PPP2R3C: variants seen among roughly 807,000 people sequenced by gnomAD.
PPP2R3C encodes the protein protein phosphatase 2 regulatory subunit B''gamma.
Under a neutral mutation model 63.7 loss-of-function variants are expected in PPP2R3C, and 47 were observed. The ratio of observed to expected loss-of-function variants is 0.74; its 90% CI spans 0.58 to 0.94. PPP2R3C has a LOEUF of 0.94. PPP2R3C is among the 40% of genes least tolerant of loss of function. The pLI, the probability that PPP2R3C is intolerant of heterozygous loss-of-function variation, is 0.00. For missense variants in PPP2R3C, 421 were observed against 518.4 expected (o/e 0.81, Z 1.82); for synonymous variants, 180 against 177.4 (o/e 1.01, Z -0.12).
At chr14:35,117,220 A>C (rs1374879498) in intron 1 of PPP2R3C, 1 of 454,340 alleles carries the variant, frequency 2.2e-6, no homozygotes, top group Non-Finnish European at 4.4e-6. Flanking sequence ...CTCTGTCTGA[A>C]GCTCAAAACT....
chr14:35,093,755 C>T (rs1315102529), intron 10 of PPP2R3C, among the ~76,000 whole-genome samples: 2 of 151,838 alleles, frequency 1.3e-5, no homozygotes, highest in Non-Finnish European at 2.9e-5. Context: ...CACACCATTA[C>T]ACCATTCTGC....
chr14:35,119,054 T>G (rs2138724709), intron 1 of PPP2R3C, among the ~76,000 whole-genome samples: 1 of 150,590 alleles, frequency 6.6e-6, no homozygotes, highest in East Asian at 2.0e-4. Flanking sequence ...TTTTTTTTTT[T>G]TGAGATGTAG....
At chr14:35,095,370 G>T (rs1470433022) in intron 9 of PPP2R3C, among the ~76,000 whole-genome samples, 186 bp from the exon 10 acceptor site, 2 of 152,008 alleles carry the variant, frequency 1.3e-5, no homozygotes, top group Non-Finnish European at 2.9e-5. Flanking sequence ...AAACCCTTGG[G>T]CTAGAAACAG....
chr14:35,092,310 T>C (rs2045847104), intron 10 of PPP2R3C, among the ~76,000 whole-genome samples: 1 of 149,958 alleles, frequency 6.7e-6, no homozygotes, highest in Non-Finnish European at 1.5e-5. Context: ...GCTCAAGCAA[T>C]CATCTGGCCT....
intron 6 of PPP2R3C, chr14:35,106,348 CTCTT>C (rs143563183): frequency 0.1 from 15,839 of 152,614 alleles, 1,015 homozygotes; most frequent in African/African-American, 0.18. Context: ...AATTCTCTCT[CTCTT>C]TTTTTTTGAG....
At chr14:35,115,646 G>T (rs979046533) in intron 2 of PPP2R3C, among the ~76,000 whole-genome samples, 8 of 152,080 alleles carry the variant, frequency 5.3e-5, no homozygotes, top group African/African-American at 1.7e-4. Context: ...GTTTGAGACA[G>T]AGCCTTGCTC....
At chr14:35,085,908 T>C in intron 12 of PPP2R3C, 130 bp from the exon 13 acceptor site, 1 of 696,042 alleles carries the variant, frequency 1.4e-6, no homozygotes, top group East Asian at 3.0e-5. Flanking sequence ...CCACTTGGGC[T>C]TATGTTAATT....
intron 1 of PPP2R3C, chr14:35,117,137 A>C (rs749398979): frequency 2.2e-6 from 1 of 455,818 alleles, no homozygotes; most frequent in Non-Finnish European, 4.4e-6. Context: ...CCAGCCCCTG[A>C]CCTCATGGAG....
chr14:35,088,204 G>GT, intron 11 of PPP2R3C, 194 bp from the exon 12 acceptor site: 1 of 591,990 alleles, frequency 1.7e-6, no homozygotes, highest in South Asian at 2.1e-5. Flanking sequence ...CTCGATTAGT[G>GT]TATTGACCTT....
chr14:35,112,309 C>T (rs1167832299), intron 2 of PPP2R3C, among the ~76,000 whole-genome samples: 1 of 152,162 alleles, frequency 6.6e-6, no homozygotes, highest in Non-Finnish European at 1.5e-5. Flanking sequence ...TGCTATGTTG[C>T]CCAGGTTGGT....
Position 35,101,863 on chromosome 14 carries a change from C to T in PPP2R3C, c.574-2479G>A, listed in dbSNP as rs995345670. The T allele has an allele frequency of 3.3e-5, 5 of 151,942 alleles. No homozygotes were observed. In the East Asian group the frequency reaches 9.6e-4, roughly 29 times the overall value. 9.4% of individuals were successfully genotyped at this position (151,942 alleles called of 1,614,324 possible). On this transcript the variant is annotated intron_variant, in intron 6 of 12. Coordinates refer to ENST00000261475, the MANE Select transcript of PPP2R3C (RefSeq NM_017917.4). Reference sequence around the variant, plus strand: ...ATTTCTGACTGTTTCAGGTATTTCCCCCAGTTTGTTGTTTTCTTTTTACTT... The same window carrying T: ...ATTTCTGACTGTTTCAGGTATTTCCTCCAGTTTGTTGTTTTCTTTTTACTT...
At position 35,099,441 on chromosome 14, in the gene PPP2R3C, G is replaced by T. The variant is rs2046113275; in HGVS notation, c.574-57C>A. The T allele has an allele frequency of 5.9e-6, 9 of 1,531,972 alleles. No homozygotes were observed. The South Asian group carries it at 1.0e-4, about 18-fold the overall frequency. 94.9% of individuals were successfully genotyped at this position (1,531,972 alleles called of 1,614,324 possible). ...TCCAGTCTTGATTCATTAGATATTA[G>T]AATTTCATTACTAAAAATTATTCAG... On this transcript the variant is annotated intron_variant, in intron 6 of 12. Transcript: ENST00000261475.
At chr14:35,110,690 A>G in intron 2 of PPP2R3C, 61 bp from the exon 3 acceptor site, 1 of 1,083,416 alleles carries the variant, frequency 9.2e-7, no homozygotes, top group Non-Finnish European at 1.4e-6. Context: ...TATAAAATGT[A>G]TGTGGCCTCA....
intron 4 of PPP2R3C, 111 bp downstream of exon 4, chr14:35,109,708 A>T: frequency 1.2e-6 from 1 of 830,702 alleles, no homozygotes; most frequent in Non-Finnish European, 1.8e-6. Flanking sequence ...CTCTCACCTC[A>T]GCCTCCAAAA....
intron 2 of PPP2R3C, among the ~76,000 whole-genome samples, chr14:35,112,105 T>C (rs933959934): frequency 6.6e-6 from 1 of 152,242 alleles, no homozygotes; most frequent in African/African-American, 2.4e-5. Context: ...TAGGAAAGCA[T>C]GCCTGTTGAG....
chr14:35,119,848 T>C (rs1474000489), intron 1 of PPP2R3C, among the ~76,000 whole-genome samples: 1 of 88,370 alleles, frequency 1.1e-5, no homozygotes, highest in Non-Finnish European at 2.5e-5. Flanking sequence ...GGACAGTTCA[T>C]CTTTTTTTTT....
At chr14:35,119,759 A>C (rs1362324242) in intron 1 of PPP2R3C, among the ~76,000 whole-genome samples, 1 of 149,140 alleles carries the variant, frequency 6.7e-6, no homozygotes, top group African/African-American at 2.5e-5. Context: ...AGAAAGGAGG[A>C]GGCTGGAAGG....
intron 1 of PPP2R3C, chr14:35,116,959 C>A: frequency 2.4e-6 from 1 of 418,264 alleles, no homozygotes; most frequent in Non-Finnish European, 4.5e-6. Flanking sequence ...ATTTCTCATG[C>A]TCCCTCTACT....
chr14:35,098,244 G>C (rs1006193915), intron 7 of PPP2R3C, among the ~76,000 whole-genome samples: 6 of 147,140 alleles, frequency 4.1e-5, no homozygotes, highest in Admixed American at 1.4e-4. Context: ...GCAGTGGCCC[G>C]ATCTTGGCTC....
Sources: allele counts gnomAD v4.1 joint callset (sites outside exome capture counted in the v4.1 genomes callset), GRCh38; gene constraint gnomAD v4.1.1; transcripts MANE v1.5; gene names NCBI Gene and HGNC (gene_info 2026-07-23, HGNC 2026-07-21).